DRG1: variants seen among roughly 807,000 people sequenced by gnomAD.
The protein encoded by DRG1 is developmentally-regulated GTP-binding protein 1.
DRG1 carries 19 observed loss-of-function variants against 38.8 expected under a neutral mutation model. That is an observed-to-expected ratio of 0.49 (90% confidence interval 0.34 to 0.72). The LOEUF (loss-of-function observed/expected upper bound fraction) is 0.72. DRG1 is among the 30% of genes least tolerant of loss of function. The pLI is 0.01. For missense variants in DRG1, 299 were observed against 444.8 expected (o/e 0.67, Z 2.95); for synonymous variants, 167 against 157.5 (o/e 1.06, Z -0.45).
At chr22:31,421,578 G>A (rs2050077219) in intron 5 of DRG1, among the ~76,000 whole-genome samples, 2 of 151,994 alleles carry the variant, frequency 1.3e-5, no homozygotes, top group African/African-American at 4.8e-5. Context: ...GGGCATGTGG[G>A]GTAGGCTGGG....
chr22:31,420,996 C>T (rs2050073738), intron 5 of DRG1, among the ~76,000 whole-genome samples: 1 of 152,112 alleles, frequency 6.6e-6, no homozygotes, highest in Non-Finnish European at 1.5e-5. Flanking sequence ...AAGGTGTGAA[C>T]CAAGTGGATA....
chr22:31,420,692 G>GT (rs1372495258), intron 5 of DRG1, among the ~76,000 whole-genome samples: 1 of 152,302 alleles, frequency 6.6e-6, no homozygotes, highest in East Asian at 1.9e-4. Flanking sequence ...CTTGCATAAA[G>GT]TAGATGGCCG....
intron 3 of DRG1, among the ~76,000 whole-genome samples, chr22:31,408,792 T>C (rs995457173): frequency 1.3e-5 from 2 of 151,546 alleles, no homozygotes; most frequent in Non-Finnish European, 2.9e-5. Context: ...TTAAGTGATG[T>C]TTTAATAAGC....
chr22:31,408,754 A>AAT (rs1286897516), intron 3 of DRG1, among the ~76,000 whole-genome samples: 2 of 46,218 alleles, frequency 4.3e-5, no homozygotes, highest in Non-Finnish European at 1.2e-4. Flanking sequence ...CTCATTCTCA[A>AAT]AAAAAAAAAA....
chr22:31,409,258 T>C (rs2050005905), intron 3 of DRG1, among the ~76,000 whole-genome samples: 1 of 152,102 alleles, frequency 6.6e-6, no homozygotes. Context: ...CTAATTTTTG[T>C]ATTTTTTGTA....
chr22:31,412,478 G>A (rs2050023377), intron 4 of DRG1, among the ~76,000 whole-genome samples: 1 of 149,134 alleles, frequency 6.7e-6, no homozygotes. Context: ...AGCCTCCTGA[G>A]TAGCTGGGAC....
chr22:31,433,159 G>A (rs1217482895), intron 8 of DRG1, among the ~76,000 whole-genome samples: 3 of 151,908 alleles, frequency 2.0e-5, no homozygotes, highest in Non-Finnish European at 4.4e-5. Context: ...CCCACTGATG[G>A]TTTCAGGAAA....
chr22:31,429,262 G>A (rs142542218), intron 8 of DRG1, among the ~76,000 whole-genome samples: 1 of 152,050 alleles, frequency 6.6e-6, no homozygotes, highest in East Asian at 1.9e-4. Context: ...GGTACTACAG[G>A]CGTGTGCCAC....
intron 4 of DRG1, among the ~76,000 whole-genome samples, chr22:31,417,629 G>A (rs76205760): frequency 2.0e-4 from 31 of 151,524 alleles, no homozygotes; most frequent in Non-Finnish European, 3.5e-4. Flanking sequence ...GCAGTGAGCC[G>A]AGATCACGCC....
At chr22:31,420,581 C>A (rs1439457926) in intron 5 of DRG1, among the ~76,000 whole-genome samples, 156 bp downstream of exon 5, 1 of 152,160 alleles carries the variant, frequency 6.6e-6, no homozygotes, top group Non-Finnish European at 1.5e-5. Context: ...AGAAAAACTT[C>A]AAGATTAGGA....
chr22:31,423,811 G>A (rs1384666498), intron 6 of DRG1, among the ~76,000 whole-genome samples: 3 of 151,108 alleles, frequency 2.0e-5, no homozygotes, highest in Non-Finnish European at 4.4e-5. Context: ...ACAGGCATGA[G>A]CCACTGTGTC....
chr22:31,428,435 G>A (rs1446049065), intron 8 of DRG1, among the ~76,000 whole-genome samples: 1 of 151,612 alleles, frequency 6.6e-6, no homozygotes, highest in East Asian at 2.0e-4. Context: ...GGATGGTCTT[G>A]ATCTCCTGAC....
chr22:31,420,601 GTC>G (rs1408134351), intron 5 of DRG1, among the ~76,000 whole-genome samples, 176 bp downstream of exon 5: 1 of 152,194 alleles, frequency 6.6e-6, no homozygotes, highest in Non-Finnish European at 1.5e-5. Flanking sequence ...ATAGGAGCCA[GTC>G]TCAGACTTAC....
intron 4 of DRG1, among the ~76,000 whole-genome samples, chr22:31,411,530 CTTTTT>C (rs71319191): frequency 1.5e-5 from 2 of 129,800 alleles, no homozygotes; most frequent in Admixed American, 8.1e-5. Flanking sequence ...TCTGTCTTTT[CTTTTT>C]TTTTTTTTTT....
At chr22:31,428,619 G>C (rs1294450426) in intron 8 of DRG1, among the ~76,000 whole-genome samples, 1 of 152,164 alleles carries the variant, frequency 6.6e-6, no homozygotes, top group Non-Finnish European at 1.5e-5. Context: ...GTTAACTATA[G>C]ATCTTATTTG....
intron 4 of DRG1, among the ~76,000 whole-genome samples, chr22:31,419,669 A>G (rs1388245138): frequency 6.6e-6 from 1 of 152,126 alleles, no homozygotes; most frequent in African/African-American, 2.4e-5. Context: ...TTACACAGGT[A>G]TATACATTTG....
At position 31,420,243 on chromosome 22, in the gene DRG1, T is replaced by C; in HGVS notation, c.413-13T>C. ...TTGAACTTTCTTGCGTATGTTTTTT[T>C]CTTACTCTTCAGTGGCCCGAACCTG... On this transcript the variant is annotated splice_polypyrimidine_tract_variant and intron_variant, in intron 4 of 8. Coordinates refer to ENST00000331457, the MANE Select transcript of DRG1 (RefSeq NM_004147.4). 6.2e-7 allele frequency: 1 copy of C among 1,609,400 alleles called. No individual in the cohort carries two copies. Among genetic ancestry groups the C allele is most frequent in the Non-Finnish European group, 8.5e-7 (1 of 1,177,242 alleles).
At chr22:31,420,174 G>GA (rs576244138) in intron 4 of DRG1, 82 bp from the exon 5 acceptor site, 13 of 1,493,380 alleles carry the variant, frequency 8.7e-6, no homozygotes, top group Middle Eastern at 2.5e-4. Context: ...AATGTAGGGG[G>GA]AAAAAACACC....
intron 4 of DRG1, among the ~76,000 whole-genome samples, chr22:31,414,160 GTC>G (rs1412452423): frequency 1.3e-5 from 2 of 151,958 alleles, no homozygotes; most frequent in South Asian, 2.1e-4. Flanking sequence ...TTTTTTCTCT[GTC>G]TCTGCTCTGT....
Sources: allele counts gnomAD v4.1 joint callset (sites outside exome capture counted in the v4.1 genomes callset), GRCh38; gene constraint gnomAD v4.1.1; transcripts MANE v1.5; gene names NCBI Gene and HGNC (gene_info 2026-07-23, HGNC 2026-07-21).